USH2A: variants seen among roughly 807,000 people sequenced by gnomAD.
The protein encoded by USH2A is usherin, also known as Usher syndrome 2A (autosomal recessive, mild).
In USH2A, 443 loss-of-function variants were observed where a neutral mutation model predicts 538.9. The observed-to-expected ratio is 0.82, with a 90% confidence interval of 0.76 to 0.89. The LOEUF is 0.89. Among genes scored for constraint, USH2A ranks in the 40% least tolerant of loss-of-function variants. The pLI, the probability that USH2A is intolerant of heterozygous loss-of-function variation, is 0.00. For synonymous variants in USH2A, 2,413 were observed against 2,273.5 expected (o/e 1.06, Z -1.75); for missense variants, 6,633 against 6,324.8 (o/e 1.05, Z -1.65).
chr1:216,254,744 TCTAA>T (rs1196051089), intron 11 of USH2A, among the ~76,000 whole-genome samples: 2 of 152,082 alleles, frequency 1.3e-5, no homozygotes, highest in East Asian at 3.9e-4. Context: ...GGTCTTCCTA[TCTAA>T]CTGCTGCTTG....
intron 34 of USH2A, among the ~76,000 whole-genome samples, chr1:215,996,279 A>G (rs1185524519): frequency 1.3e-5 from 2 of 152,182 alleles, no homozygotes; most frequent in African/African-American, 4.8e-5. Context: ...AGAGTGCAAC[A>G]TATTTTAAAG....
In USH2A at chr1:215,625,426, C is replaced by A; in HGVS notation, c.*355G>T. 3.1e-6 allele frequency: 1 copy of A among 327,114 alleles called. No homozygotes were observed. Among genetic ancestry groups the A allele is most frequent in the African/African-American group, 2.1e-5 (1 of 46,774 alleles). 20.3% of individuals were successfully genotyped at this position (327,114 alleles called of 1,614,324 possible). A position where few individuals can be genotyped will look rare whatever the true frequency, so the allele number is the denominator to read the frequency against. ...GAATCATTTTTGAGCCAGTAACTAA[C>A]TTACTACTTCTAACAACTGTGAGCC... On this transcript the variant is annotated 3_prime_UTR_variant, in exon 72 of 72. Transcript: ENST00000307340.
chr1:215,678,904 C>A (rs2797237), intron 62 of USH2A, among the ~76,000 whole-genome samples: 8 of 152,206 alleles, frequency 5.3e-5, no homozygotes, highest in South Asian at 2.1e-4. Flanking sequence ...ATTATGCCAC[C>A]AAGAAGCAGA....
chr1:216,281,334 T>C (rs946992000), intron 11 of USH2A, among the ~76,000 whole-genome samples: 39 of 152,060 alleles, frequency 2.6e-4, no homozygotes, highest in Admixed American at 2.5e-3. Context: ...AAGTTATAAA[T>C]AAAGCAGATT....
chr1:215,766,578 C>G (rs1334747140), intron 56 of USH2A, 103 bp downstream of exon 56: 6 of 1,114,456 alleles, frequency 5.4e-6, no homozygotes, highest in Non-Finnish European at 6.8e-6. Context: ...TACCTATCAA[C>G]TTTATTGCCT....
At position 215,878,245 on chromosome 1, in the gene USH2A, C is replaced by A. The variant is rs147081851; in HGVS notation, c.8559-365G>T. Among the ~76,000 whole-genome samples, 875 of 152,180 alleles carry A rather than the reference C, an allele frequency of 5.7e-3. 10 individuals carry two copies. The highest frequency in any genetic ancestry group is 0.02 in the African/African-American group (844 of 41,524). ...CCTATGACTATCAATACTTTATAAACGATGATAATATTATCAACTTTGTAT... is the reference window on the plus strand; with the variant it reads ...CCTATGACTATCAATACTTTATAAAAGATGATAATATTATCAACTTTGTAT... On this transcript the variant is annotated intron_variant, in intron 42 of 71. Coordinates refer to ENST00000307340, the MANE Select transcript of USH2A (RefSeq NM_206933.4).
rs140302983 is a variant in USH2A at position 215,720,849 on chromosome 1, C to A, written c.12066+7181G>T. On this transcript the variant is annotated intron_variant, in intron 61 of 71. Transcript: ENST00000307340. ...CCCTATATAACCCACAGAGAAAATC[C>A]CATGAGGCATCTGCCCCCTCAAAAT... 1.1e-3 allele frequency among the ~76,000 whole-genome samples: 164 copies of A among 152,160 alleles called. 7 individuals carry two copies. In the East Asian group the frequency reaches 0.029, roughly 27 times the overall value.
At chr1:216,087,723 G>T (rs905261222) in intron 23 of USH2A, among the ~76,000 whole-genome samples, 1 of 152,026 alleles carries the variant, frequency 6.6e-6, no homozygotes, top group Non-Finnish European at 1.5e-5. Flanking sequence ...CTGTTAATTT[G>T]ACATTCACAG....
At chr1:215,946,980 G>T (rs489857) in intron 37 of USH2A, among the ~76,000 whole-genome samples, 3 of 151,406 alleles carry the variant, frequency 2.0e-5, no homozygotes, top group Non-Finnish European at 2.9e-5. Context: ...TTAACTTTTA[G>T]GTTTTAATTA....
At chr1:215,659,962 G>A (rs1042526687) in intron 64 of USH2A, among the ~76,000 whole-genome samples, 5 of 152,140 alleles carry the variant, frequency 3.3e-5, no homozygotes, top group Non-Finnish European at 7.4e-5. Flanking sequence ...TATCCCACAG[G>A]ACTATTTTAA....
chr1:216,418,769 G>T, intron 2 of USH2A, 90 bp from the exon 3 acceptor site: 1 of 1,442,106 alleles, frequency 6.9e-7, no homozygotes, highest in Non-Finnish European at 9.7e-7. Flanking sequence ...GTGTTAAAAT[G>T]ACCTCAAACT....
chr1:215,674,961 T>C lies in USH2A; in HGVS notation c.12950A>G (p.Asn4317Ser). Reference protein sequence around the residue: ...YPFSFDPVTFNYTDEELLPFS... With the variant: ...YPFSFDPVTFSYTDEELLPFS... ...AGGAAGAAGCTCTTCATCAGTGTAA[T>C]TGAAAGTCACAGGATCAAAGCTAAA... The change falls in exon 63 of 72, where the codon AAT (asparagine) becomes AGT (serine). Residue 4317 changes from asparagine (N) to serine (S), a missense_variant. Physicochemically the swap from Asn to Ser is conservative, Grantham distance 46. Coordinates refer to ENST00000307340, the MANE Select transcript of USH2A (RefSeq NM_206933.4). The C allele has an allele frequency of 6.2e-7, 1 of 1,614,182 alleles. No individual in the cohort carries two copies. Among genetic ancestry groups the C allele is most frequent in the Non-Finnish European group, 8.5e-7 (1 of 1,180,034 alleles).
intron 21 of USH2A, among the ~76,000 whole-genome samples, chr1:216,151,504 A>G (rs1458015990): frequency 1.3e-5 from 2 of 152,086 alleles, no homozygotes; most frequent in African/African-American, 4.8e-5. Context: ...TTCTGCCTCC[A>G]TGATTGCTCT....
At chr1:215,789,219 T>C (rs1239840696) in intron 51 of USH2A, among the ~76,000 whole-genome samples, 1 of 152,230 alleles carries the variant, frequency 6.6e-6, no homozygotes, top group African/African-American at 2.4e-5. Context: ...ATCTTAATCA[T>C]TCATTGATAC....
intron 15 of USH2A, among the ~76,000 whole-genome samples, chr1:216,213,267 T>C (rs945718704): frequency 6.6e-6 from 1 of 152,130 alleles, no homozygotes; most frequent in Non-Finnish European, 1.5e-5. Context: ...ATTTTCCACA[T>C]ATAGAATCAT....
intron 32 of USH2A, among the ~76,000 whole-genome samples, chr1:216,001,954 G>A (rs1668273807): frequency 6.6e-6 from 1 of 152,082 alleles, no homozygotes; most frequent in Non-Finnish European, 1.5e-5. Flanking sequence ...CTATCCTACA[G>A]GAATCCAATG....
chr1:215,831,819 C>G (rs998931906), intron 47 of USH2A, among the ~76,000 whole-genome samples: 2 of 151,746 alleles, frequency 1.3e-5, no homozygotes, highest in Non-Finnish European at 2.9e-5. Context: ...GCAGAAATCA[C>G]TGAAATGGAA....
At chr1:216,083,713 A>G (rs532114335) in intron 25 of USH2A, 127 bp from the exon 26 acceptor site, 2 of 938,284 alleles carry the variant, frequency 2.1e-6, no homozygotes, top group South Asian at 1.8e-5. Flanking sequence ...ATGCAAATCA[A>G]TGTTAAGAAA....
In USH2A at chr1:216,421,916, AAGG is replaced by A. The variant is rs773595155; in HGVS notation, c.418_420del (p.Pro140del). On this transcript the variant is annotated inframe_deletion, in exon 2 of 72. Transcript: ENST00000307340. The stretch of plus-strand genomic sequence containing the variant: ...GTAAATGATGCCATCAGCTTTGGAG[AAGG>A]AGGAGAAGAAAAGCAGCTCTTGTGA... 9 of 1,613,896 alleles carry A rather than the reference AAGG, an allele frequency of 5.6e-6. No individual in the cohort carries two copies. The highest frequency in any genetic ancestry group is 6.8e-6 in the Non-Finnish European group (8 of 1,179,910).
Sources: allele counts gnomAD v4.1 joint callset (sites outside exome capture counted in the v4.1 genomes callset), GRCh38; gene constraint gnomAD v4.1.1; transcripts MANE v1.5; gene names NCBI Gene and HGNC (gene_info 2026-07-23, HGNC 2026-07-21).